The following DRC4 variants were observed in gnomAD, a reference collection of about 807,000 sequenced individuals.
DRC4 encodes the protein GAS-11.
the DRC4 span, among the ~76,000 whole-genome samples, chr16:90,030,488 G>A: frequency 6.7e-6 from 1 of 149,912 alleles, no homozygotes; most frequent in Non-Finnish European, 1.5e-5. Context: ...CTATAGGCAT[G>A]TGCCACCACT....
At chr16:90,043,009 C>T in the DRC4 span, 43 of 602,802 alleles carry the variant, frequency 7.1e-5, no homozygotes, top group East Asian at 4.2e-4. Flanking sequence ...CTCTCCCTGT[C>T]GTGCTACCTG....
the DRC4 span, among the ~76,000 whole-genome samples, chr16:90,031,848 G>A: frequency 6.6e-6 from 1 of 152,284 alleles, no homozygotes; most frequent in South Asian, 2.1e-4. Context: ...ATGTGTAGCT[G>A]TGTAAAGGTG....
chr16:90,019,675 C>T, the DRC4 span: 3 of 533,664 alleles, frequency 5.6e-6, no homozygotes, highest in Non-Finnish European at 9.8e-6. The surrounding 1 kb of genome is among the most constrained non-coding windows in gnomAD (Gnocchi z 6.1). Context: ...CCACCGGGAC[C>T]TGGCTGCGCC....
At chr16:90,037,842 C>T in the DRC4 span, 1 of 1,613,716 alleles carries the variant, frequency 6.2e-7, no homozygotes, top group African/African-American at 1.3e-5. Context: ...AGCAGCGATT[C>T]ACCAAGGTGA....
At chr16:90,041,936 T>C in the DRC4 span, among the ~76,000 whole-genome samples, 1 of 152,244 alleles carries the variant, frequency 6.6e-6, no homozygotes, top group Middle Eastern at 3.4e-3. Flanking sequence ...TGGTCTGGAC[T>C]GCTCTTTGAG....
chr16:90,029,045 A>G, the DRC4 span: 2 of 1,240,862 alleles, frequency 1.6e-6, no homozygotes, highest in African/African-American at 1.7e-5. Flanking sequence ...TGGATTGAAC[A>G]CTGCGTTGTC....
the DRC4 span, chr16:90,036,655 G>T: frequency 2.1e-6 from 3 of 1,412,188 alleles, no homozygotes; most frequent in South Asian, 3.7e-5. Flanking sequence ...CAGAGTCCTG[G>T]GGATCCAGAC....
chr16:90,033,381 G>A, the DRC4 span, among the ~76,000 whole-genome samples: 1 of 151,870 alleles, frequency 6.6e-6, no homozygotes, highest in South Asian at 2.1e-4. Context: ...ATTCATCTGT[G>A]CACCTGGTTC....
chr16:90,031,375 G>A, the DRC4 span: 13 of 1,613,192 alleles, frequency 8.1e-6, no homozygotes, highest in African/African-American at 4.0e-5. Flanking sequence ...CAGCTGGAGC[G>A]GGACAAGATC....
At chr16:90,019,982 C>T in the DRC4 span, 2 of 698,018 alleles carry the variant, frequency 2.9e-6, no homozygotes, top group East Asian at 5.4e-5. This position sits in a 1 kb window ranked among gnomAD's most constrained non-coding sequence, Gnocchi z 6.1. Flanking sequence ...GCGGCGGGCC[C>T]GGGCTGCAGA....
the DRC4 span, chr16:90,043,464 T>C: frequency 1.9e-6 from 2 of 1,032,754 alleles, no homozygotes; most frequent in Admixed American, 2.7e-5. Flanking sequence ...TGAAAGCTTT[T>C]CACATGTTCT....
At chr16:90,043,328 G>A in the DRC4 span, 3 of 1,605,282 alleles carry the variant, frequency 1.9e-6, no homozygotes, top group South Asian at 3.3e-5. Flanking sequence ...CGCGGGACTG[G>A]TGGGCACCCC....
chr16:90,043,390 A>G, the DRC4 span: 1 of 1,549,618 alleles, frequency 6.5e-7, no homozygotes, highest in Non-Finnish European at 8.7e-7. Flanking sequence ...GCCTAGGAAC[A>G]CTCGGGATGA....
the DRC4 span, chr16:90,031,428 A>G: frequency 2.0e-5 from 33 of 1,612,044 alleles, no homozygotes; most frequent in Admixed American, 4.5e-4. Flanking sequence ...GGAGGAGAAG[A>G]AGGCTGAGCT....
At chr16:90,042,124 C>T in the DRC4 span, among the ~76,000 whole-genome samples, 28 of 152,062 alleles carry the variant, frequency 1.8e-4, no homozygotes, top group African/African-American at 2.9e-4. Context: ...ATAGTAGAGA[C>T]GGGGTTTCGC....
At chr16:90,043,550 T>C in the DRC4 span, 1 of 608,786 alleles carries the variant, frequency 1.6e-6, no homozygotes. Flanking sequence ...GTCGCTCCCT[T>C]CCCTGGGTGC....
At chr16:90,044,475 C>G in the DRC4 span, 1 of 470,222 alleles carries the variant, frequency 2.1e-6, no homozygotes. Context: ...TGAGCCTCAG[C>G]CCCCTCCAGC....
the DRC4 span, chr16:90,027,723 G>A: frequency 5.6e-6 from 9 of 1,614,000 alleles, no homozygotes; most frequent in Admixed American, 1.7e-5. Flanking sequence ...CAAGGAGCAG[G>A]TGAGCAGAGC....
the DRC4 span, among the ~76,000 whole-genome samples, chr16:90,037,608 C>T: frequency 6.6e-6 from 1 of 152,322 alleles, no homozygotes; most frequent in East Asian, 1.9e-4. Flanking sequence ...CCACGTGCTA[C>T]CGGCCGGCCT....
Sources: gnomAD v4.1 joint callset for allele counts (sites outside exome capture counted in the v4.1 genomes callset) on GRCh38, gnomAD v4.1.1 for gene constraint, Gnocchi (gnomAD v3.1) non-coding constraint, MANE v1.5 for transcripts, NCBI Gene and HGNC (gene_info 2026-07-23, HGNC 2026-07-21) for gene names.